The following POM121 variants were observed in gnomAD, a reference collection of about 807,000 sequenced individuals.
POM121 encodes POM121 transmembrane nucleoporin, also known as nuclear envelope pore membrane protein POM 121.
POM121 carries 32 observed loss-of-function variants against 81.3 expected under a neutral mutation model. That is an observed-to-expected ratio of 0.39 (90% CI 0.30 to 0.53). The LOEUF is 0.53. Among genes scored for constraint, POM121 ranks in the 20% least tolerant of loss-of-function variants. POM121 has a pLI of 0.66. For synonymous variants in POM121, 514 were observed against 694.2 expected (o/e 0.74, Z 4.08); for missense variants, 1,138 against 1,614.6 (o/e 0.70, Z 5.06).
chr7:72,886,410 G>T (rs188273689), intron 1 of POM121, among the ~76,000 whole-genome samples: 1 of 152,264 alleles, frequency 6.6e-6, no homozygotes, highest in Non-Finnish European at 1.5e-5. Context: ...CTGACCTCAG[G>T]TCACCCATCT....
chr7:72,904,964 G>A (rs1224091177), intron 3 of POM121, among the ~76,000 whole-genome samples: 6 of 152,180 alleles, frequency 3.9e-5, no homozygotes, highest in South Asian at 2.1e-4. Context: ...GGGGTGAACC[G>A]CGCCCGTGAT....
At chr7:72,921,873 G>A (rs1447267233), upstream of POM121, among the ~76,000 whole-genome samples, 2 of 152,084 alleles carry the variant, frequency 1.3e-5, no homozygotes, top group African/African-American at 2.4e-5. Flanking sequence ...AAGTGTGTTC[G>A]AATTGTCTGT....
At chr7:72,890,965 A>G (rs1284511769) in exon 3 of POM121, 5 of 1,348,688 alleles carry the variant, frequency 3.7e-6, no homozygotes, top group Non-Finnish European at 5.2e-6. Context: ...TACTTCGGAG[A>G]TCTGAAGCCG....
chr7:72,920,450 G>A (rs1387975975), upstream of POM121, among the ~76,000 whole-genome samples: 3 of 148,436 alleles, frequency 2.0e-5, no homozygotes, highest in Admixed American at 2.1e-4. Context: ...CTGGGTTCAC[G>A]CCATTCTCCT....
chr7:72,936,840 G>T (rs2129579315), intron 5 of POM121, among the ~76,000 whole-genome samples: 1 of 152,208 alleles, frequency 6.6e-6, no homozygotes, highest in Admixed American at 6.5e-5. Context: ...TACAGGTAAG[G>T]TCTTGCTATG....
chr7:72,926,789 T>C lies in POM121; in HGVS notation c.861-13T>C, dbSNP rs1795492603. On this transcript the variant is annotated splice_polypyrimidine_tract_variant and intron_variant, in intron 2 of 12. Coordinates refer to ENST00000434423, the MANE Select transcript of POM121 (RefSeq NM_001387691.1). The stretch of plus-strand genomic sequence containing the variant: ...AAAATATCTTACAGCTAGAATCTTG[T>C]CTTTCATTGTAGACCAGAGCAGATA... 6.2e-7 allele frequency: 1 copy of C among 1,611,516 alleles called. No individual in the cohort carries two copies. The highest frequency in any genetic ancestry group is 8.5e-7 in the Non-Finnish European group (1 of 1,178,774).
Position 72,925,562 on chromosome 7 carries a change from G to T in POM121, c.441G>T (p.Pro147=), listed in dbSNP as rs1426627745. The T allele has an allele frequency of 1.3e-6, 2 of 1,523,202 alleles. No individual in the cohort carries two copies. The highest frequency in any genetic ancestry group is 2.0e-5 in the Admixed American group (1 of 50,508). The allele number at this position is 1,523,202 out of a possible 1,614,324, so 94.4% of individuals were successfully genotyped here. A position where few individuals can be genotyped will look rare whatever the true frequency, so the allele number is the denominator to read the frequency against. Residue 147 remains proline, a synonymous_variant, in exon 1 of 13, where the codon CCG becomes CCT. Transcript: ENST00000434423. The part of the protein sequence containing the change: ...MGSYLGKPGP[P]QPAAAPEGQD... ...GTTACCTGGGCAAGCCCGGGCCGCC[G>T]CAGCCCGCCGCCGCTCCGGAGGGCC...
downstream of POM121, chr7:72,949,430 A>G (rs1554504293): frequency 3.9e-6 from 6 of 1,555,390 alleles, no homozygotes. Flanking sequence ...ACGCCAGCCC[A>G]GGCCAGCAGC....
chr7:72,889,010 C>G (rs1350895237), intron 1 of POM121, among the ~76,000 whole-genome samples: 1 of 151,860 alleles, frequency 6.6e-6, no homozygotes, highest in Non-Finnish European at 1.5e-5. Context: ...TCCTATTTGT[C>G]TGTTGTATAT....
chr7:72,905,055 C>T (rs1265564996), intron 3 of POM121, among the ~76,000 whole-genome samples: 6 of 152,182 alleles, frequency 3.9e-5, no homozygotes, highest in Non-Finnish European at 8.8e-5. Flanking sequence ...CAAAGAGCCA[C>T]ATCAGATGAT....
In POM121 at chr7:72,925,755, C is replaced by T; in HGVS notation, c.634C>T (p.Pro212Ser). ...PTPLLRPSRR[P>S]SPRDCGTLPN... Reference sequence around the variant, plus strand: ...TCCTCTTCTCCGACCCTCCAGGAGGCCTTCCCCACGGTAAGATGCGCTGAT... The same window carrying T: ...TCCTCTTCTCCGACCCTCCAGGAGGTCTTCCCCACGGTAAGATGCGCTGAT... The change falls in exon 1 of 13, where the codon CCT (proline) becomes TCT (serine). Residue 212 changes from proline (P) to serine (S), a missense_variant. Pro to Ser is a moderately conservative substitution (Grantham distance 74). Transcript: ENST00000434423. 1.6e-6 allele frequency: 2 copies of T among 1,278,430 alleles called. No homozygotes were observed. Among genetic ancestry groups the T allele is most frequent in the Admixed American group, 3.8e-5 (1 of 26,348 alleles). The allele number at this position is 1,278,430 out of a possible 1,614,324, so 79.2% of individuals were successfully genotyped here.
rs782004964 is a variant in POM121 at position 72,945,566 on chromosome 7, C to G, written c.3530-20C>G. 3.7e-6 allele frequency: 6 copies of G among 1,613,234 alleles called. No individual in the cohort carries two copies. The highest frequency in any genetic ancestry group is 3.4e-4 in the Middle Eastern group (2 of 5,820). On this transcript the variant is annotated intron_variant, in intron 11 of 12. Transcript: ENST00000434423. ...TCTGCCCTCTGCTCACTGGCCAGCT[C>G]TCTGTTCTCTTCATTCCAGGCACCG...
intron 2 of POM121, 24 bp downstream of exon 2, chr7:72,926,501 A>G: frequency 6.2e-7 from 1 of 1,612,928 alleles, no homozygotes; most frequent in South Asian, 1.1e-5. Context: ...TTGGAAGAAT[A>G]CTCTCCCTTT....
At chr7:72,920,568 A>T (rs188040634), upstream of POM121, among the ~76,000 whole-genome samples, 106 of 151,940 alleles carry the variant, frequency 7.0e-4, no homozygotes, top group African/African-American at 2.3e-3. Flanking sequence ...GTTAGCCAGG[A>T]TGGTCTTGAT....
At chr7:72,938,263 G>A (rs1418280561) in intron 5 of POM121, among the ~76,000 whole-genome samples, 1 of 144,266 alleles carries the variant, frequency 6.9e-6, no homozygotes, top group Non-Finnish European at 1.5e-5. Flanking sequence ...GTCTCACTCT[G>A]TCACCCAGGC....
At chr7:72,898,201 T>C (rs2129575345) in intron 3 of POM121, among the ~76,000 whole-genome samples, 1 of 152,216 alleles carries the variant, frequency 6.6e-6, no homozygotes, top group South Asian at 2.1e-4. Flanking sequence ...GAGTGCGAAA[T>C]TGGGAATTTG....
chr7:72,938,726 C>T lies in POM121; in HGVS notation c.1367+45C>T, dbSNP rs376336079. 4.1e-5 allele frequency: 65 copies of T among 1,596,700 alleles called. No homozygotes were observed. The African/African-American group carries it at 6.4e-4, about 16-fold the overall frequency. ...AGTTTTCATTTGCTGCGTGGACAGG[C>T]GGGGGTGAGGAAAGGTGGGAAACGA... On this transcript the variant is annotated intron_variant, in intron 6 of 12. Transcript: ENST00000434423.
intron 3 of POM121, among the ~76,000 whole-genome samples, chr7:72,912,635 C>T (rs1427675700): frequency 6.6e-6 from 1 of 152,122 alleles, no homozygotes; most frequent in Non-Finnish European, 1.5e-5. Flanking sequence ...CAAAATTAGC[C>T]AGGCATGGTG....
rs189569372 is a variant in POM121 at position 72,904,061 on chromosome 7, C to T, written c.-215-9704C>T. 1.0e-3 allele frequency among the ~76,000 whole-genome samples: 154 copies of T among 152,336 alleles called. No individual in the cohort carries two copies. The Middle Eastern group carries it at 0.014, about 13-fold the overall frequency. ...TCAAGTGATCTGCCCGCCTCGGCTT[C>T]CCAAAGTGCTAGGATTACAGGCATG... On this transcript the variant is annotated intron_variant, in intron 3 of 15. Transcript: ENST00000395270.
Sources: gnomAD v4.1 joint callset for allele counts (sites outside exome capture counted in the v4.1 genomes callset) on GRCh38, gnomAD v4.1.1 for gene constraint, MANE v1.5 for transcripts, NCBI Gene and HGNC (gene_info 2026-07-23, HGNC 2026-07-21) for gene names.